SUCLG2: variants seen among roughly 807,000 people sequenced by gnomAD.
SUCLG2 encodes the protein succinate-CoA ligase GDP-forming subunit beta, also known as succinate--CoA ligase [GDP-forming] subunit beta, mitochondrial.
SUCLG2 carries 42 observed loss-of-function variants against 47.9 expected under a neutral mutation model. The ratio of observed to expected loss-of-function variants is 0.88; its 90% CI spans 0.69 to 1.14. The LOEUF is 1.14. Among genes scored for constraint, SUCLG2 ranks in the 50% most tolerant of loss-of-function variants. The pLI, the probability that SUCLG2 is intolerant of heterozygous loss-of-function variation, is 0.00. For missense variants in SUCLG2, 571 were observed against 525.9 expected, an observed-to-expected ratio of 1.09 and a Z score of -0.84; for synonymous variants, 195 against 197.3, an observed-to-expected ratio of 0.99 and a Z score of 0.10.
At chr3:67,376,092 T>C (rs1702030354) in intron 10 of SUCLG2, 16 of 985,440 alleles carry the variant, frequency 1.6e-5, no homozygotes, top group Non-Finnish European at 1.8e-5. Flanking sequence ...GAAATGAACA[T>C]ATTTTACTGA....
rs1707238190 is a variant in SUCLG2 at position 67,559,096 on chromosome 3, T to C, written c.227-29910A>G. ...AATAGATTTACTCTAAAGAATACCT[T>C]AACTACGTTGCTGAAAACATGACTA... On this transcript the variant is annotated intron_variant, in intron 2 of 10. Coordinates refer to ENST00000307227, the MANE Select transcript of SUCLG2 (RefSeq NM_003848.4). Among the ~76,000 whole-genome samples, 4 of 152,328 alleles carry C rather than the reference T, an allele frequency of 2.6e-5. No homozygotes were observed. The South Asian group carries it at 8.3e-4, about 32-fold the overall frequency.
chr3:67,512,557 C>A (rs1464135149), intron 6 of SUCLG2, among the ~76,000 whole-genome samples: 2 of 148,994 alleles, frequency 1.3e-5, no homozygotes, highest in South Asian at 2.2e-4. Flanking sequence ...GAAATAACTT[C>A]TGGGTACACA....
intron 2 of SUCLG2, among the ~76,000 whole-genome samples, chr3:67,582,976 C>T (rs772418153): frequency 2.6e-5 from 4 of 152,146 alleles, no homozygotes; most frequent in Non-Finnish European, 5.9e-5. Context: ...CCATCACCTC[C>T]CTCCAGTAAC....
At chr3:67,639,757 AC>A (rs890609983) in intron 1 of SUCLG2, among the ~76,000 whole-genome samples, 1 of 151,830 alleles carries the variant, frequency 6.6e-6, no homozygotes, top group African/African-American at 2.4e-5. Flanking sequence ...ACTTCTCTAA[AC>A]CCCTTTGAGT....
At chr3:67,544,944 T>A (rs1239725672) in intron 2 of SUCLG2, among the ~76,000 whole-genome samples, 1 of 152,232 alleles carries the variant, frequency 6.6e-6, no homozygotes, top group Non-Finnish European at 1.5e-5. Context: ...ATTGATCATC[T>A]TTGTTAAATT....
At chr3:67,556,290 A>C (rs1707157654) in intron 2 of SUCLG2, among the ~76,000 whole-genome samples, 1 of 152,182 alleles carries the variant, frequency 6.6e-6, no homozygotes, top group South Asian at 2.1e-4. Context: ...GCAGTGCATC[A>C]ACACTGTTTC....
At chr3:67,527,347 T>G (rs1293552069) in intron 4 of SUCLG2, among the ~76,000 whole-genome samples, 1 of 152,224 alleles carries the variant, frequency 6.6e-6, no homozygotes, top group Non-Finnish European at 1.5e-5. Flanking sequence ...CTGACACATG[T>G]GATCTGTGTA....
intron 2 of SUCLG2, among the ~76,000 whole-genome samples, chr3:67,577,934 G>C (rs956450821): frequency 1.3e-5 from 2 of 152,172 alleles, no homozygotes; most frequent in African/African-American, 4.8e-5. Context: ...AAGAGCAATA[G>C]GAAGAAGAGA....
chr3:67,534,768 CAAAAAAAAAAAAAAA>C (rs60612549), intron 2 of SUCLG2, among the ~76,000 whole-genome samples: 10 of 34,948 alleles, frequency 2.9e-4, no homozygotes, highest in Middle Eastern at 0.016. Context: ...ACACTGATGG[CAAAAAAAAAAAAAAA>C]AAAAAAAAAA....
intron 9 of SUCLG2, among the ~76,000 whole-genome samples, chr3:67,456,054 G>A (rs964831628): frequency 3.5e-5 from 3 of 84,736 alleles, no homozygotes; most frequent in Non-Finnish European, 5.5e-5. Flanking sequence ...GATACCAAGT[G>A]TTAATTCTTC....
chr3:67,440,126 G>A (rs1703723415), intron 9 of SUCLG2, among the ~76,000 whole-genome samples: 1 of 152,164 alleles, frequency 6.6e-6, no homozygotes, highest in South Asian at 2.1e-4. Context: ...AACAAGCAAT[G>A]GGGAAAAGAT....
At position 67,421,948 on chromosome 3, in the gene SUCLG2, C is replaced by T. The variant is rs182287537; in HGVS notation, c.1063-21097G>A. On this transcript the variant is annotated intron_variant, in intron 9 of 10. Transcript: ENST00000307227. ...AGGATATTTTGATGAGAAATGTTTT[C>T]AATTCTTTGAATAAAAGCAAAGAAG... is the stretch of plus-strand genomic sequence containing the variant. Among the ~76,000 whole-genome samples the T allele has an allele frequency of 1.8e-3, 275 of 152,232 alleles. 1 individual carries two copies. The highest frequency in any genetic ancestry group is 6.1e-3 in the African/African-American group (253 of 41,538).
intron 6 of SUCLG2, among the ~76,000 whole-genome samples, chr3:67,512,439 T>C (rs530759658): frequency 2.0e-5 from 3 of 150,976 alleles, no homozygotes; most frequent in Non-Finnish European, 2.9e-5. Context: ...TTATGTATCC[T>C]GGGCACCTTG....
chr3:67,405,300 T>A (rs1702778797), intron 9 of SUCLG2, among the ~76,000 whole-genome samples: 1 of 152,224 alleles, frequency 6.6e-6, no homozygotes, highest in Admixed American at 6.5e-5. Context: ...TAGCTGCAGA[T>A]TTTAGTACAC....
chr3:67,595,540 C>T (rs6798438), intron 2 of SUCLG2, among the ~76,000 whole-genome samples: 4,047 of 152,194 alleles, frequency 0.027, 82 homozygotes, highest in Middle Eastern at 0.061. Context: ...GCGTCCTAAG[C>T]GAAGGTAAGC....
chr3:67,628,468 T>C (rs1168988592), intron 1 of SUCLG2, among the ~76,000 whole-genome samples: 1 of 152,176 alleles, frequency 6.6e-6, no homozygotes, highest in Non-Finnish European at 1.5e-5. Flanking sequence ...AAAGCAAACT[T>C]CCATCGAAGA....
chr3:67,395,534 G>T (rs71452107), intron 10 of SUCLG2, among the ~76,000 whole-genome samples: 10,927 of 152,040 alleles, frequency 0.072, 392 homozygotes, highest in Middle Eastern at 0.14. Flanking sequence ...AAGTCCTGAG[G>T]GACCTACAAA....
At chr3:67,475,041 A>C (rs1704713168) in intron 9 of SUCLG2, among the ~76,000 whole-genome samples, 2 of 152,140 alleles carry the variant, frequency 1.3e-5, no homozygotes, top group South Asian at 4.1e-4. Flanking sequence ...GCTTCCCAGA[A>C]ATGAATAAAA....
chr3:67,494,682 T>C (rs59148720), intron 9 of SUCLG2, among the ~76,000 whole-genome samples: 4,549 of 152,242 alleles, frequency 0.03, 96 homozygotes, highest in African/African-American at 0.061. Flanking sequence ...TGTTGTGGCA[T>C]ATACGTACTT....
Sources: gnomAD v4.1 joint callset for allele counts (sites outside exome capture counted in the v4.1 genomes callset) on GRCh38, gnomAD v4.1.1 for gene constraint, MANE v1.5 for transcripts, NCBI Gene and HGNC (gene_info 2026-07-23, HGNC 2026-07-21) for gene names.